The following CCDC102B variants were observed in gnomAD, a reference collection of about 807,000 sequenced individuals.
The protein encoded by CCDC102B is coiled-coil domain containing 102B.
CCDC102B carries 75 observed loss-of-function variants against 57.4 expected under a neutral mutation model. The ratio of observed to expected loss-of-function variants is 1.31; its 90% CI spans 1.08 to 1.58. The LOEUF (loss-of-function observed/expected upper bound fraction) is 1.58. Ranked by LOEUF, CCDC102B falls within the 40% of genes most tolerant of loss-of-function variation. The probability of loss-of-function intolerance (pLI) is 0.00; values close to 1 mark genes in which losing one functional copy is unlikely to be tolerated. For missense variants in CCDC102B, 636 were observed against 582.6 expected (o/e 1.09, Z -0.94); for synonymous variants, 206 against 201.9 (o/e 1.02, Z -0.17).
intron 4 of CCDC102B, chr18:68,858,853 G>A (rs1188631135): frequency 2.0e-5 from 3 of 152,116 alleles, no homozygotes; most frequent in African/African-American, 7.2e-5. Context: ...CTGTCAAGAA[G>A]ATGGGAAAAT....
At chr18:69,052,726 T>A (rs2052739465) in intron 7 of CCDC102B, among the ~76,000 whole-genome samples, 1 of 151,824 alleles carries the variant, frequency 6.6e-6, no homozygotes, top group East Asian at 1.9e-4. Flanking sequence ...ATCTACCCAG[T>A]TGGCCCTCCA....
chr18:68,715,743 C>T (rs2031920776), intron 1 of CCDC102B: 1 of 152,018 alleles, frequency 6.6e-6, no homozygotes, highest in African/African-American at 2.4e-5. Flanking sequence ...TATATTGCTA[C>T]CTGTTTTTTC....
chr18:69,051,577 C>G (rs151133744), intron 7 of CCDC102B, among the ~76,000 whole-genome samples: 75 of 151,870 alleles, frequency 4.9e-4, no homozygotes, highest in Non-Finnish European at 8.8e-4. Flanking sequence ...CAAGGTATTT[C>G]TGAGGAAAAA....
chr18:68,942,275 G>A (rs1024235038), intron 6 of CCDC102B, among the ~76,000 whole-genome samples: 11 of 152,006 alleles, frequency 7.2e-5, no homozygotes, highest in Non-Finnish European at 1.2e-4. Flanking sequence ...AAGATGAAGG[G>A]GTGGCCTGCC....
At chr18:68,901,375 T>C (rs1201133200) in intron 6 of CCDC102B, among the ~76,000 whole-genome samples, 1 of 152,128 alleles carries the variant, frequency 6.6e-6, no homozygotes, top group Non-Finnish European at 1.5e-5. Context: ...GAATATTTCA[T>C]GGGTGGCACA....
chr18:68,997,507 C>G lies in CCDC102B; in HGVS notation c.1264-13427C>G, dbSNP rs146559921. On this transcript the variant is annotated intron_variant, in intron 6 of 7. Coordinates refer to ENST00000360242, the MANE Select transcript of CCDC102B (RefSeq NM_024781.3). ...GACTGCAACTGACATTAGGGCTGGC[C>G]TTTGTGGAGTTATAAAATATACATG... Among the ~76,000 whole-genome samples the G allele has an allele frequency of 2.9e-3, 442 of 152,112 alleles. 1 individual carries two copies. Among genetic ancestry groups the G allele is most frequent in the African/African-American group, 9.9e-3 (411 of 41,510 alleles).
intron 2 of CCDC102B, among the ~76,000 whole-genome samples, chr18:68,768,692 T>C (rs1244635091): frequency 1.3e-5 from 2 of 152,022 alleles, no homozygotes; most frequent in African/African-American, 4.8e-5. Flanking sequence ...TGCCTCAAAA[T>C]ACCATATAAG....
At chr18:69,040,380 G>T (rs1456062847) in intron 7 of CCDC102B, among the ~76,000 whole-genome samples, 2 of 141,564 alleles carry the variant, frequency 1.4e-5, no homozygotes, top group African/African-American at 2.7e-5. Flanking sequence ...TAGATTAGAT[G>T]CAGGGGTGTG....
At chr18:68,740,643 C>T (rs1224329424) in intron 2 of CCDC102B, among the ~76,000 whole-genome samples, 1 of 152,168 alleles carries the variant, frequency 6.6e-6, no homozygotes, top group South Asian at 2.1e-4. Flanking sequence ...CCATTGCTGG[C>T]ATTGGAGGTG....
At chr18:68,903,247 C>T (rs951987310) in intron 6 of CCDC102B, among the ~76,000 whole-genome samples, 1 of 152,114 alleles carries the variant, frequency 6.6e-6, no homozygotes, top group East Asian at 1.9e-4. Flanking sequence ...CTTTAGATAC[C>T]TCCCTGATCC....
chr18:69,009,856 G>A (rs1044854275), intron 6 of CCDC102B, among the ~76,000 whole-genome samples: 2 of 147,626 alleles, frequency 1.4e-5, no homozygotes, highest in African/African-American at 5.0e-5. Context: ...ATATCCTTGG[G>A]TTTTCCTACA....
intron 4 of CCDC102B, among the ~76,000 whole-genome samples, chr18:68,866,079 A>G (rs371311963): frequency 1.3e-5 from 2 of 152,240 alleles, no homozygotes; most frequent in South Asian, 2.1e-4. Context: ...AAGTTCATCT[A>G]TCTCATTAAG....
At position 69,054,442 on chromosome 18, in the gene CCDC102B, C is replaced by T. The variant is rs146278611; in HGVS notation, c.*305C>T. 60 of 1,034,598 alleles carry T rather than the reference C, an allele frequency of 5.8e-5. No individual in the cohort carries two copies. The highest frequency in any genetic ancestry group is 2.9e-4 in the African/African-American group (17 of 58,396). The allele number at this position is 1,034,598 out of a possible 1,614,324, so 64.1% of individuals were successfully genotyped here. Reference sequence around the variant, plus strand: ...ATAAAATCTGAAAGAGTTATAATATCGGTAAGAAAAAGTAAGTTGAAAACC... The same window carrying T: ...ATAAAATCTGAAAGAGTTATAATATTGGTAAGAAAAAGTAAGTTGAAAACC... On this transcript the variant is annotated 3_prime_UTR_variant, in exon 8 of 8. Transcript: ENST00000360242.
intron 6 of CCDC102B, among the ~76,000 whole-genome samples, chr18:68,903,020 G>A (rs768489553): frequency 6.6e-6 from 1 of 152,164 alleles, no homozygotes; most frequent in Non-Finnish European, 1.5e-5. Context: ...TGTGGTTTAA[G>A]ATAAGCAATA....
At chr18:68,902,487 A>G (rs2040489522) in intron 6 of CCDC102B, among the ~76,000 whole-genome samples, 2 of 152,190 alleles carry the variant, frequency 1.3e-5, no homozygotes, top group Non-Finnish European at 2.9e-5. Context: ...ATCTTCATCT[A>G]GCAACCTCTT....
intron 2 of CCDC102B, among the ~76,000 whole-genome samples, chr18:68,749,988 C>A (rs1441321996): frequency 4.6e-5 from 7 of 152,080 alleles, no homozygotes; most frequent in Non-Finnish European, 8.8e-5. Flanking sequence ...TCAGAGTGAA[C>A]AGGCAACCTA....
intron 2 of CCDC102B, among the ~76,000 whole-genome samples, chr18:68,790,801 C>T (rs1040201674): frequency 6.6e-6 from 1 of 152,212 alleles, no homozygotes; most frequent in South Asian, 2.1e-4. Context: ...GCGTCGCTCA[C>T]GCTGGGAGCT....
intron 4 of CCDC102B, 127 bp downstream of exon 4, chr18:68,846,548 A>G (rs748363876): frequency 8.1e-5 from 42 of 516,316 alleles, no homozygotes; most frequent in Non-Finnish European, 1.2e-4. Context: ...AATTTCCTCT[A>G]TAAGAGTAAT....
intron 1 of CCDC102B, among the ~76,000 whole-genome samples, chr18:68,800,344 C>T (rs1457059082): frequency 6.6e-6 from 1 of 151,982 alleles, no homozygotes; most frequent in African/African-American, 2.4e-5. Context: ...GGGAGGAGGT[C>T]GTGAGACAAC....
Sources: gnomAD v4.1 joint callset for allele counts (sites outside exome capture counted in the v4.1 genomes callset) on GRCh38, gnomAD v4.1.1 for gene constraint, MANE v1.5 for transcripts, NCBI Gene and HGNC (gene_info 2026-07-23, HGNC 2026-07-21) for gene names.